RBM34: variants seen among roughly 807,000 people sequenced by gnomAD.
RBM34 encodes the protein RNA-binding protein 34.
In RBM34, 39 loss-of-function variants were observed where a neutral mutation model predicts 44.6. The observed-to-expected ratio is 0.87, with a 90% CI of 0.68 to 1.14. RBM34 has a LOEUF of 1.14. Ranked by LOEUF, RBM34 falls within the 50% of genes most tolerant of loss-of-function variation. RBM34 has a pLI of 0.00. For missense variants in RBM34, 572 were observed against 517.9 expected, an observed-to-expected ratio of 1.10 and a Z score of -1.01; for synonymous variants, 194 against 184.0, an observed-to-expected ratio of 1.05 and a Z score of -0.44.
chr1:235,141,804 A>T (rs183360476), intron 6 of RBM34, among the ~76,000 whole-genome samples: 1 of 152,028 alleles, frequency 6.6e-6, no homozygotes, highest in East Asian at 1.9e-4. Context: ...CTGCAGCTTT[A>T]CTCCTGAGCC....
intron 5 of RBM34, among the ~76,000 whole-genome samples, chr1:235,151,427 A>G (rs1662153172): frequency 2.0e-5 from 3 of 152,232 alleles, no homozygotes; most frequent in South Asian, 4.1e-4. Flanking sequence ...AAGATATGTG[A>G]TAAGAGTGGG....
Position 235,160,568 on chromosome 1 carries a change from G to A in RBM34, c.308C>T (p.Ala103Val), listed in dbSNP as rs377392338. 1.2e-6 allele frequency: 2 copies of A among 1,613,632 alleles called. No individual in the cohort carries two copies. The highest frequency in any genetic ancestry group is 8.5e-7 in the Non-Finnish European group (1 of 1,179,936). Residue 103 changes from alanine to valine, a missense_variant, in exon 3 of 11, where the codon GCC becomes GTC. Physicochemically the swap from Ala to Val is moderately conservative, Grantham distance 64. Transcript: ENST00000408888. ...QIERPLSQEPAKKVKAKKKHT... is the reference protein window; with the variant it reads ...QIERPLSQEPVKKVKAKKKHT... ...TTTCTTCTTCGCTTTCACTTTTTTGGCAGGTTCTTGCGAAAGTGGTCTTTC... is the reference window on the plus strand; with the variant it reads ...TTTCTTCTTCGCTTTCACTTTTTTGACAGGTTCTTGCGAAAGTGGTCTTTC...
At chr1:235,149,628 A>G (rs752606677) in intron 5 of RBM34, among the ~76,000 whole-genome samples, 4 of 152,170 alleles carry the variant, frequency 2.6e-5, no homozygotes, top group Non-Finnish European at 4.4e-5. Flanking sequence ...AGTCATATAT[A>G]GCCTCCTTTA....
rs967569545 is a variant in RBM34, at chr1:235,158,475, G to A, written c.365+2036C>T. ...ATAAGGGAAAGAGGCGAACGTGGAT[G>A]GATCTGACGGCACAGTCCCTAAAAA... is the stretch of plus-strand genomic sequence containing the variant. On this transcript the variant is annotated intron_variant, in intron 3 of 10. Transcript: ENST00000408888. Among the ~76,000 whole-genome samples, 5 of 138,142 alleles carry A rather than the reference G, an allele frequency of 3.6e-5. No individual in the cohort carries two copies. In the Admixed American group the frequency reaches 3.6e-4, roughly 10 times the overall value. The allele number at this position is 138,142 out of a possible 152,430, so 90.6% of individuals were successfully genotyped here.
intron 10 of RBM34, among the ~76,000 whole-genome samples, chr1:235,134,206 T>C (rs1241658304): frequency 6.6e-6 from 1 of 152,150 alleles, no homozygotes; most frequent in African/African-American, 2.4e-5. Flanking sequence ...TATTTTTTTG[T>C]AGAGGCGGGA....
intron 5 of RBM34, among the ~76,000 whole-genome samples, chr1:235,150,289 G>A (rs1362233472): frequency 6.6e-6 from 1 of 152,132 alleles, no homozygotes; most frequent in East Asian, 1.9e-4. Flanking sequence ...TGGCCAGGCT[G>A]GTCTCGAACT....
Position 235,161,199 on chromosome 1 carries a change from T to G in RBM34, c.28A>C (p.Lys10Gln). 2 of 1,610,340 alleles carry G rather than the reference T, an allele frequency of 1.2e-6. No individual in the cohort carries two copies. Among genetic ancestry groups the G allele is most frequent in the Non-Finnish European group, 1.7e-6 (2 of 1,177,896 alleles). Residue 10 changes from lysine to glutamine, a missense_variant, in exon 1 of 11, where the codon AAG becomes CAG. By Grantham distance (53) the Lys-to-Gln change is moderately conservative (BLOSUM62 1). Coordinates refer to ENST00000408888, the MANE Select transcript of RBM34 (RefSeq NM_015014.4). The part of the protein sequence containing the change: MALEGMSKR[K>Q]RKRSVQEGEN... ...CCCTCCTGGACACTTCTCTTTCTCTTCCGTTTGCTCATCCCTTCCAAGGCC... is the reference window on the plus strand; with the variant it reads ...CCCTCCTGGACACTTCTCTTTCTCTGCCGTTTGCTCATCCCTTCCAAGGCC...
Position 235,161,191 on chromosome 1 carries a change from C to A in RBM34, c.36G>T (p.Lys12Asn), listed in dbSNP as rs200635285. The change falls in exon 1 of 11, where the codon AAG becomes AAT. Residue 12 changes from lysine (K) to asparagine (N), a missense_variant. By Grantham distance (94) the Lys-to-Asn change is moderately conservative. Transcript: ENST00000408888. ...ALEGMSKRKRKRSVQEGENPD... is the reference protein window; with the variant it reads ...ALEGMSKRKRNRSVQEGENPD... ...CCACTCACCCCTCCTGGACACTTCT[C>A]TTTCTCTTCCGTTTGCTCATCCCTT... 1,468 of 1,608,832 alleles carry A rather than the reference C, an allele frequency of 9.1e-4. 3 individuals are homozygous for A. Among genetic ancestry groups the A allele is most frequent in the Non-Finnish European group, 1.2e-3 (1,363 of 1,176,850 alleles).
At chr1:235,135,304 C>A (rs1366497386) in intron 10 of RBM34, among the ~76,000 whole-genome samples, 1 of 151,510 alleles carries the variant, frequency 6.6e-6, no homozygotes. Context: ...TCTCGGCTCA[C>A]TGCAACCTCC....
At position 235,160,518 on chromosome 1, in the gene RBM34, C is replaced by A. The variant is rs1662662363; in HGVS notation, c.358G>T (p.Ala120Ser). ...KKHTNAEKKL[A>S]DRESALASAD... ...TAAGAGAATTTTACCAACCTGTCTG[C>A]CAACTTTTTTTCTGCGTTAGTGTGT... Residue 120 changes from alanine (A) to serine (S), a missense_variant, in exon 3 of 11, where the codon GCA (alanine) becomes TCA (serine). Physicochemically the swap from Ala to Ser is moderately conservative, Grantham distance 99 (BLOSUM62 1). Transcript: ENST00000408888. 1.2e-6 allele frequency: 2 copies of A among 1,609,800 alleles called. No individual in the cohort carries two copies. The highest frequency in any genetic ancestry group is 2.2e-5 in the East Asian group (1 of 44,862).
chr1:235,149,857 T>C (rs1446203793), intron 5 of RBM34, among the ~76,000 whole-genome samples: 2 of 152,230 alleles, frequency 1.3e-5, no homozygotes, highest in South Asian at 2.1e-4. Flanking sequence ...AGTAACCTGA[T>C]AGTTTACATA....
rs1661942588 is a variant in RBM34 at position 235,147,230 on chromosome 1, G to A, written c.701+1174C>T. Among the ~76,000 whole-genome samples, 3 of 152,160 alleles carry A rather than the reference G, an allele frequency of 2.0e-5. No homozygotes were observed. In the South Asian group the frequency reaches 6.2e-4, roughly 32 times the overall value. ...TGGGTGACAGAGCAAGAGCTTGTAT[G>A]TTAAAAACACAAAACAAAACAAAGA... On this transcript the variant is annotated intron_variant, in intron 6 of 10. Transcript: ENST00000408888.
Position 235,131,543 on chromosome 1 carries a change from G to A in RBM34, c.*170C>T, listed in dbSNP as rs1661196268. On this transcript the variant is annotated 3_prime_UTR_variant, in exon 11 of 11. Coordinates refer to ENST00000408888, the MANE Select transcript of RBM34 (RefSeq NM_015014.4). ...AACAAAAACAAAAAAACCTTCAAAG[G>A]TAGTATCACAATGTGAATAAACTGA... The A allele has an allele frequency of 2.7e-6, 2 of 740,340 alleles. No individual in the cohort carries two copies. Among genetic ancestry groups the A allele is most frequent in the South Asian group, 2.6e-5 (1 of 38,140 alleles). 45.9% of individuals were successfully genotyped at this position (740,340 alleles called of 1,614,324 possible).
At chr1:235,147,238 CACAAA>C (rs1229797099) in intron 6 of RBM34, among the ~76,000 whole-genome samples, 6 of 152,106 alleles carry the variant, frequency 3.9e-5, no homozygotes, top group African/African-American at 1.4e-4. Flanking sequence ...ATGTTAAAAA[CACAAA>C]ACAAAACAAA....
intron 4 of RBM34, among the ~76,000 whole-genome samples, chr1:235,153,258 G>A (rs1333353897): frequency 7.0e-6 from 1 of 143,426 alleles, no homozygotes; most frequent in Non-Finnish European, 1.5e-5. Flanking sequence ...GTGAGACTCT[G>A]TCTCAAAAAA....
chr1:235,148,121 T>C (rs1661985083), intron 6 of RBM34, among the ~76,000 whole-genome samples: 1 of 152,190 alleles, frequency 6.6e-6, no homozygotes, highest in South Asian at 2.1e-4. Context: ...TGAGAAAATT[T>C]AGGCATGAAG....
chr1:235,131,997 T>C lies in RBM34; in HGVS notation c.1009A>G (p.Asn337Asp). The C allele has an allele frequency of 6.3e-7, 1 of 1,579,052 alleles. No individual in the cohort carries two copies. The highest frequency in any genetic ancestry group is 1.2e-5 in the South Asian group (1 of 86,870). The change falls in exon 11 of 11, where the codon AAT becomes GAT. Residue 337 changes from asparagine (N) to aspartate (D), a missense_variant and splice_region_variant. Transcript: ENST00000408888. Reference sequence around the variant, plus strand: ...AGAGCAAGATGAACAGAATCTGTATTCTGCAAAAGAAAACACAATACATTA... The same window carrying C: ...AGAGCAAGATGAACAGAATCTGTATCCTGCAAAAGAAAACACAATACATTA... ...GKGFGYVLFE[N>D]TDSVHLALKL...
intron 10 of RBM34, among the ~76,000 whole-genome samples, chr1:235,133,112 C>A (rs778090969): frequency 6.6e-6 from 1 of 152,110 alleles, no homozygotes; most frequent in Non-Finnish European, 1.5e-5. Context: ...GAGGCCAAGG[C>A]GGATAGATCA....
intron 4 of RBM34, among the ~76,000 whole-genome samples, chr1:235,153,514 T>C (rs1484167245): frequency 6.6e-6 from 1 of 150,428 alleles, no homozygotes; most frequent in African/African-American, 2.5e-5. Flanking sequence ...AACCTCCCCC[T>C]CCTGGGTTCA....
Sources: gnomAD v4.1 joint callset for allele counts (sites outside exome capture counted in the v4.1 genomes callset) on GRCh38, gnomAD v4.1.1 for gene constraint, MANE v1.5 for transcripts, NCBI Gene and HGNC (gene_info 2026-07-23, HGNC 2026-07-21) for gene names.